Variants in HCN1 observed in about 807,000 individuals in gnomAD.
The protein encoded by HCN1 is hyperpolarization activated cyclic nucleotide gated potassium channel 1.
In HCN1, 13 loss-of-function variants were observed where a neutral mutation model predicts 78.9. The ratio of observed to expected loss-of-function variants is 0.16; its 90% CI spans 0.11 to 0.26. HCN1 has a LOEUF of 0.26. Among genes scored for constraint, HCN1 ranks in the 10% least tolerant of loss-of-function variants. The pLI, the probability that HCN1 is intolerant of heterozygous loss-of-function variation, is 1.00. For synonymous variants in HCN1, 552 were observed against 455.5 expected (o/e 1.21, Z -2.70); for missense variants, 810 against 1,154.3 (o/e 0.70, Z 4.32).
At chr5:45,381,856 A>G (rs1252187703) in intron 4 of HCN1, among the ~76,000 whole-genome samples, 2 of 152,090 alleles carry the variant, frequency 1.3e-5, no homozygotes, top group Non-Finnish European at 2.9e-5. Flanking sequence ...AAAACTAAAA[A>G]CAAATCATAT....
chr5:45,318,143 T>C (rs1452831763), intron 5 of HCN1, among the ~76,000 whole-genome samples: 1 of 152,124 alleles, frequency 6.6e-6, no homozygotes, highest in African/African-American at 2.4e-5. Context: ...CTATTCACAA[T>C]AGCAAAGACT....
intron 3 of HCN1, among the ~76,000 whole-genome samples, chr5:45,449,675 CCCATATGACA>C (rs1440352791): frequency 6.6e-6 from 1 of 151,616 alleles, no homozygotes; most frequent in Non-Finnish European, 1.5e-5. Context: ...GTAGTGTGTA[CCCATATGACA>C]CCTGGTCTTC....
intron 3 of HCN1, among the ~76,000 whole-genome samples, chr5:45,415,904 T>G (rs1042935784): frequency 6.6e-6 from 1 of 152,032 alleles, no homozygotes; most frequent in Non-Finnish European, 1.5e-5. Context: ...TTAATAACAG[T>G]ATACAAATGT....
chr5:45,595,712 T>C (rs1744477662), intron 2 of HCN1, among the ~76,000 whole-genome samples: 1 of 152,116 alleles, frequency 6.6e-6, no homozygotes, highest in Non-Finnish European at 1.5e-5. Context: ...TATGACTTTA[T>C]AATTTTTATT....
chr5:45,487,455 T>C (rs914897420), intron 2 of HCN1, among the ~76,000 whole-genome samples: 3 of 152,090 alleles, frequency 2.0e-5, no homozygotes, highest in East Asian at 3.9e-4. Flanking sequence ...GTCAGCTCTA[T>C]GTATTCTGTT....
chr5:45,561,465 T>C (rs2111880084), intron 2 of HCN1, among the ~76,000 whole-genome samples: 1 of 152,216 alleles, frequency 6.6e-6, no homozygotes, highest in South Asian at 2.1e-4. Flanking sequence ...GGCTAAAATA[T>C]TTTGTAAATC....
intron 2 of HCN1, among the ~76,000 whole-genome samples, chr5:45,517,384 A>G (rs1015019153): frequency 6.6e-6 from 1 of 151,868 alleles, no homozygotes; most frequent in Non-Finnish European, 1.5e-5. Context: ...CCCATCATAC[A>G]CACACATATG....
intron 2 of HCN1, among the ~76,000 whole-genome samples, chr5:45,621,401 C>A (rs1745059853): frequency 6.6e-6 from 1 of 151,528 alleles, no homozygotes; most frequent in African/African-American, 2.4e-5. Flanking sequence ...GAGATAGTGA[C>A]AAAGCTGAAA....
chr5:45,553,290 C>G (rs1743406977), intron 2 of HCN1, among the ~76,000 whole-genome samples: 1 of 151,746 alleles, frequency 6.6e-6, no homozygotes, highest in South Asian at 2.1e-4. Flanking sequence ...TTTACCGTCC[C>G]CTAGATTGGC....
chr5:45,325,448 G>A (rs1000846894), intron 5 of HCN1, among the ~76,000 whole-genome samples: 5 of 151,470 alleles, frequency 3.3e-5, no homozygotes, highest in Non-Finnish European at 5.9e-5. Context: ...AATAAATGTG[G>A]GTTTTGATCA....
Position 45,551,298 on chromosome 5 carries a change from G to T in HCN1, c.850-89291C>A, listed in dbSNP as rs566863280. ...ACGAAAAAAGTGAAAAATATATTATGCTCTTATCTATTGCACATCTAATGT... is the reference window on the plus strand; with the variant it reads ...ACGAAAAAAGTGAAAAATATATTATTCTCTTATCTATTGCACATCTAATGT... On this transcript the variant is annotated intron_variant, in intron 2 of 7. Transcript: ENST00000303230. Among the ~76,000 whole-genome samples the T allele has an allele frequency of 2.4e-3, 363 of 151,720 alleles. 1 individual carries two copies. Among genetic ancestry groups the T allele is most frequent in the African/African-American group, 8.2e-3 (338 of 41,416 alleles).
intron 5 of HCN1, among the ~76,000 whole-genome samples, chr5:45,317,149 T>C (rs924859648): frequency 1.3e-5 from 2 of 152,046 alleles, no homozygotes; most frequent in South Asian, 2.1e-4. Context: ...AGGCATCACG[T>C]TACCTGACTT....
At chr5:45,482,311 A>G (rs1741671323) in intron 2 of HCN1, among the ~76,000 whole-genome samples, 1 of 152,160 alleles carries the variant, frequency 6.6e-6, no homozygotes, top group South Asian at 2.1e-4. Context: ...TCAACTCACA[A>G]TATCCACCTG....
At chr5:45,638,288 G>T (rs969520027) in intron 2 of HCN1, among the ~76,000 whole-genome samples, 1 of 152,072 alleles carries the variant, frequency 6.6e-6, no homozygotes, top group Admixed American at 6.6e-5. Context: ...AGGCAACTGG[G>T]TATATAATTT....
In HCN1 at chr5:45,678,765, GT is replaced by G. The variant is rs1482921177; in HGVS notation, c.425+16903del. 4.6e-5 allele frequency among the ~76,000 whole-genome samples: 7 copies of G among 152,108 alleles called. No individual in the cohort carries two copies. The East Asian group carries it at 1.4e-3, about 29-fold the overall frequency. Reference sequence around the variant, plus strand: ...TTAAACTTAAGTACAGTCTAAAGAAGTTTTGTTTCTTTTTTACATGTCTTCC... The same window carrying G: ...TTAAACTTAAGTACAGTCTAAAGAAGTTTGTTTCTTTTTTACATGTCTTCC... On this transcript the variant is annotated intron_variant, in intron 1 of 7. Transcript: ENST00000303230.
chr5:45,547,363 T>C (rs1327062820), intron 2 of HCN1, among the ~76,000 whole-genome samples: 1 of 151,952 alleles, frequency 6.6e-6, no homozygotes, highest in Non-Finnish European at 1.5e-5. Flanking sequence ...CTCTATTCAA[T>C]ATGACTTAGC....
At chr5:45,340,894 T>G (rs1746565468) in intron 5 of HCN1, among the ~76,000 whole-genome samples, 1 of 152,174 alleles carries the variant, frequency 6.6e-6, no homozygotes, top group African/African-American at 2.4e-5. Context: ...CAATTCATGC[T>G]GAAGCTTGGA....
chr5:45,289,311 A>C (rs1005638589), intron 6 of HCN1, among the ~76,000 whole-genome samples: 2 of 152,032 alleles, frequency 1.3e-5, no homozygotes, highest in Non-Finnish European at 2.9e-5. Flanking sequence ...CAGAGAATAA[A>C]AAAGGTGAGT....
intron 3 of HCN1, among the ~76,000 whole-genome samples, chr5:45,445,915 A>C (rs1001751489): frequency 1.3e-5 from 2 of 152,188 alleles, no homozygotes; most frequent in African/African-American, 4.8e-5. Flanking sequence ...GAACAAAAGT[A>C]GATAAAACCA....
Sources: allele counts gnomAD v4.1 joint callset (sites outside exome capture counted in the v4.1 genomes callset), GRCh38; gene constraint gnomAD v4.1.1; transcripts MANE v1.5; gene names NCBI Gene and HGNC (gene_info 2026-07-23, HGNC 2026-07-21).